Variants in PNPLA2 observed in about 807,000 individuals in gnomAD.
The protein encoded by PNPLA2 is patatin-like phospholipase domain-containing protein 2.
PNPLA2 carries 28 observed loss-of-function variants against 39.7 expected under a neutral mutation model. The ratio of observed to expected loss-of-function variants is 0.70; its 90% CI spans 0.52 to 0.97. PNPLA2 has a LOEUF of 0.97. PNPLA2 is among the 50% of genes least tolerant of loss of function. PNPLA2 has a pLI of 0.00. For missense variants in PNPLA2, 768 were observed against 698.2 expected, an observed-to-expected ratio of 1.10 and a Z score of -1.13; for synonymous variants, 392 against 321.1, an observed-to-expected ratio of 1.22 and a Z score of -2.36.
In PNPLA2 at chr11:819,694, C is replaced by T. The variant is rs1442340329; in HGVS notation, c.-25C>T. ...ACAGAGGCCTGGCCGCCCACGGAAC[C>T]CGGGGCCCGGCGGCCGCCGCCGCGA... On this transcript the variant is annotated 5_prime_UTR_variant, in exon 2 of 10. Coordinates refer to ENST00000336615, the MANE Select transcript of PNPLA2 (RefSeq NM_020376.4). 4.1e-6 allele frequency: 6 copies of T among 1,475,300 alleles called. No individual in the cohort carries two copies. The South Asian group carries it at 6.4e-5, about 16-fold the overall frequency. The allele number at this position is 1,475,300 out of a possible 1,614,324, so 91.4% of individuals were successfully genotyped here. A position where few individuals can be genotyped will look rare whatever the true frequency, so the allele number is the denominator to read the frequency against.
Position 822,014 on chromosome 11 carries a change from C to T in PNPLA2, c.477C>T (p.Leu159=), listed in dbSNP as rs1355556500. Residue 159 remains leucine (L), a synonymous_variant, in exon 4 of 10, where the codon CTC becomes CTT. Coordinates refer to ENST00000336615, the MANE Select transcript of PNPLA2 (RefSeq NM_020376.4). ...PVYCGLIPPS[L]QGVRYVDGGI... is the part of the protein sequence containing the mutation. ...ACTGTGGGCTCATCCCTCCCTCCCTCCAGGGGGTGGTGAGTATTCCTAGCC... is the reference window on the plus strand; with the variant it reads ...ACTGTGGGCTCATCCCTCCCTCCCTTCAGGGGGTGGTGAGTATTCCTAGCC... 1.2e-6 allele frequency: 2 copies of T among 1,613,648 alleles called. No homozygotes were observed. The highest frequency in any genetic ancestry group is 1.7e-6 in the Non-Finnish European group (2 of 1,179,770).
chr11:819,936 G>C (rs1554975345), intron 2 of PNPLA2, 31 bp downstream of exon 2: 8 of 1,322,480 alleles, frequency 6.0e-6, no homozygotes, highest in African/African-American at 1.5e-5. Context: ...CAGGCGGGGG[G>C]CTGGCGGGAA....
At position 824,384 on chromosome 11, in the gene PNPLA2, C is replaced by CA; in HGVS notation, c.1124dup (p.Tyr376ValfsTer176). 6.4e-7 allele frequency: 1 copy of CA among 1,552,766 alleles called. No homozygotes were observed. The highest frequency in any genetic ancestry group is 8.7e-7 in the Non-Finnish European group (1 of 1,148,470). ...GAAGGAGCAGACGGGCAGCATCTGC[C>CA]AGTACCTGGTGATGCGCGCCAAGAG... On this transcript the variant is annotated frameshift_variant, in exon 9 of 10. Transcript: ENST00000336615. LOFTEE classifies it high-confidence loss of function.
chr11:822,495 G>T lies in PNPLA2; in HGVS notation c.585G>T (p.Pro195=). The change falls in exon 5 of 10, where the codon CCG becomes CCT. Residue 195 remains proline (P), a synonymous_variant. Transcript: ENST00000336615. Reference sequence around the variant, plus strand: ...TCTCGGGCGAGAGTGACATCTGTCCGCAGGACAGCTCCACCAACATCCACG... The same window carrying T: ...TCTCGGGCGAGAGTGACATCTGTCCTCAGGACAGCTCCACCAACATCCACG... ...SPFSGESDIC[P]QDSSTNIHEL... is the part of the protein sequence containing the mutation. The T allele has an allele frequency of 1.2e-6, 2 of 1,613,782 alleles. No individual in the cohort carries two copies. Among genetic ancestry groups the T allele is most frequent in the Non-Finnish European group, 8.5e-7 (1 of 1,179,730 alleles).
Position 819,500 on chromosome 11 carries a change from G to A in PNPLA2, c.-145-74G>A. 8.1e-6 allele frequency: 10 copies of A among 1,241,158 alleles called. No homozygotes were observed. The South Asian group carries it at 1.1e-4, about 14-fold the overall frequency. 76.9% of individuals were successfully genotyped at this position (1,241,158 alleles called of 1,614,324 possible). A position where few individuals can be genotyped will look rare whatever the true frequency, so the allele number is the denominator to read the frequency against. ...CGGCCGTTCCCTGCGCGCCCCGATTGGTCTTCGTGTGCCGGCCCCGCCCCC... is the reference window on the plus strand; with the variant it reads ...CGGCCGTTCCCTGCGCGCCCCGATTAGTCTTCGTGTGCCGGCCCCGCCCCC... On this transcript the variant is annotated intron_variant, in intron 1 of 9. Coordinates refer to ENST00000336615, the MANE Select transcript of PNPLA2 (RefSeq NM_020376.4).
Position 824,539 on chromosome 11 carries a change from G to T in PNPLA2, c.1192G>T (p.Glu398Ter). Residue 398 changes from glutamate to a stop codon, truncating the protein, a stop_gained, in exon 10 of 10, where the codon GAG (glutamate) becomes TAG (stop). Transcript: ENST00000336615. LOFTEE classifies it low-confidence loss of function (END_TRUNC). ...GCCCCGCAGGCTGCCGGAGCAGGTG[G>T]AGCTGCGCCGCGTCCAGTCGCTGCC... ...HLPSRLPEQV[E>*]LRRVQSLPSV... 6.4e-7 allele frequency: 1 copy of T among 1,552,806 alleles called. No individual in the cohort carries two copies. Among genetic ancestry groups the T allele is most frequent in the Non-Finnish European group, 8.7e-7 (1 of 1,152,390 alleles).
At chr11:819,376 AGG>A (rs571950169) in intron 1 of PNPLA2, 196 bp from the exon 2 acceptor site, 3 of 972,046 alleles carry the variant, frequency 3.1e-6, no homozygotes, top group Non-Finnish European at 3.7e-6. Flanking sequence ...CGTGCCCAGC[AGG>A]GGCGGAGGGA....
intron 7 of PNPLA2, 36 bp from the exon 8 acceptor site, chr11:823,962 G>A: frequency 6.4e-7 from 1 of 1,568,524 alleles, no homozygotes; most frequent in Non-Finnish European, 8.6e-7. Context: ...GGGCCCCGCT[G>A]CCTCCACTGG....
intron 5 of PNPLA2, among the ~76,000 whole-genome samples, chr11:822,891 C>T (rs1845717425): frequency 6.7e-6 from 1 of 148,252 alleles, no homozygotes; most frequent in Admixed American, 6.8e-5. Flanking sequence ...GTGGCAGGAT[C>T]TCAGCTCACT....
Position 824,594 on chromosome 11 carries a change from G to T in PNPLA2, c.1247G>T (p.Arg416Ile). The T allele has an allele frequency of 6.3e-7, 1 of 1,588,200 alleles. No individual in the cohort carries two copies. The highest frequency in any genetic ancestry group is 8.5e-7 in the Non-Finnish European group (1 of 1,172,150). Residue 416 changes from arginine to isoleucine, a missense_variant, in exon 10 of 10, where the codon AGA (arginine) becomes ATA (isoleucine). Arg to Ile is a moderately conservative substitution (Grantham distance 97). Transcript: ENST00000336615. ...GTGCCGCTGTCCTGCGCCGCCTACA[G>T]AGAGGCACTGCCCGGCTGGATGCGC... Reference protein sequence around the residue: ...PSVPLSCAAYREALPGWMRNN... With the variant: ...PSVPLSCAAYIEALPGWMRNN...
At position 824,031 on chromosome 11, in the gene PNPLA2, T is replaced by C. The variant is rs775075567; in HGVS notation, c.953T>C (p.Leu318Pro). 10 of 1,610,378 alleles carry C rather than the reference T, an allele frequency of 6.2e-6. No individual in the cohort carries two copies. Among genetic ancestry groups the C allele is most frequent in the Non-Finnish European group, 8.5e-6 (10 of 1,179,438 alleles). The change falls in exon 8 of 10, where the codon CTG becomes CCG. Residue 318 changes from leucine to proline, a missense_variant. By Grantham distance (98) the Leu-to-Pro change is moderately conservative (BLOSUM62 -3). Transcript: ENST00000336615. ...GAGGCCTGCGTGGAGCCCACGGACC[T>C]GCTGACCACCCTCTCCAACATGCTG... The part of the protein sequence containing the change: ...LLEACVEPTD[L>P]LTTLSNMLPV...
chr11:819,520 G>GC (rs1187049607), intron 1 of PNPLA2, 54 bp from the exon 2 acceptor site: 1 of 1,257,778 alleles, frequency 8.0e-7, no homozygotes, highest in African/African-American at 1.6e-5. Flanking sequence ...TGCCGGCCCC[G>GC]CCCCCGCCGT....
At chr11:821,170 A>G in intron 2 of PNPLA2, 1 of 237,558 alleles carries the variant, frequency 4.2e-6, no homozygotes, top group South Asian at 5.0e-5. Flanking sequence ...CTGCAGTGGG[A>G]CACAGGTGTG....
chr11:821,274 C>CTGGATCTGG, intron 2 of PNPLA2: 1 of 389,422 alleles, frequency 2.6e-6, no homozygotes, highest in Non-Finnish European at 4.8e-6. Flanking sequence ...TGTGGGTCTG[C>CTGGATCTGG]CCCATCCCCG....
At chr11:822,738 G>A (rs1009734327) in intron 5 of PNPLA2, 132 bp downstream of exon 5, 14 of 761,248 alleles carry the variant, frequency 1.8e-5, no homozygotes, top group Admixed American at 1.4e-4. Context: ...TGGGGAAAGC[G>A]CACAACCTTT....
chr11:824,185 C>T, intron 8 of PNPLA2, 55 bp downstream of exon 8: 2 of 1,561,658 alleles, frequency 1.3e-6, no homozygotes, highest in Admixed American at 1.9e-5. Flanking sequence ...TTGGGATCAT[C>T]CGCGAGTGAT....
chr11:822,811 T>TCG, intron 5 of PNPLA2, among the ~76,000 whole-genome samples: 1 of 102,704 alleles, frequency 9.7e-6, no homozygotes, highest in Non-Finnish European at 2.3e-5. Flanking sequence ...CCCTGTCCAG[T>TCG]CTCTCTCTCT....
intron 8 of PNPLA2, 24 bp downstream of exon 8, chr11:824,154 G>T: frequency 6.3e-7 from 1 of 1,582,084 alleles, no homozygotes; most frequent in Non-Finnish European, 8.6e-7. Context: ...GGGGTCGGGA[G>T]AGGGGCCCAG....
intron 8 of PNPLA2, 80 bp from the exon 9 acceptor site, chr11:824,234 G>C: frequency 6.5e-7 from 1 of 1,548,516 alleles, no homozygotes; most frequent in Non-Finnish European, 8.7e-7. Context: ...GCAGTGCCAA[G>C]TCAGGGCACA....
Sources: allele counts gnomAD v4.1 joint callset (sites outside exome capture counted in the v4.1 genomes callset), GRCh38; gene constraint gnomAD v4.1.1; transcripts MANE v1.5; gene names NCBI Gene and HGNC (gene_info 2026-07-23, HGNC 2026-07-21).